FBN2: variants seen among roughly 807,000 people sequenced by gnomAD.
FBN2 encodes fibrillin-2.
A neutral mutation model predicts 355.6 loss-of-function variants in FBN2; 105 were observed. The ratio of observed to expected loss-of-function variants is 0.30; its 90% CI spans 0.25 to 0.35. FBN2 has a LOEUF of 0.35. Among genes scored for constraint, FBN2 ranks in the 10% least tolerant of loss-of-function variants. FBN2 has a pLI of 1.00. For missense variants in FBN2, 3,280 were observed against 3,758.7 expected, an observed-to-expected ratio of 0.87 and a Z score of 3.33; for synonymous variants, 1,350 against 1,301.2, an observed-to-expected ratio of 1.04 and a Z score of -0.81.
At chr5:128,287,179 A>T in intron 54 of FBN2, 129 bp downstream of exon 54, 1 of 1,143,346 alleles carries the variant, frequency 8.7e-7, no homozygotes, top group South Asian at 1.3e-5. Context: ...GAAATCTACT[A>T]GCAAAATGCT....
At chr5:128,485,560 T>A (rs1755316107) in intron 5 of FBN2, among the ~76,000 whole-genome samples, 1 of 152,102 alleles carries the variant, frequency 6.6e-6, no homozygotes, top group African/African-American at 2.4e-5. Context: ...GCAAGTTGCA[T>A]AATACATGGA....
intron 7 of FBN2, among the ~76,000 whole-genome samples, chr5:128,421,357 T>G (rs1296490373): frequency 6.6e-6 from 1 of 152,010 alleles, no homozygotes; most frequent in African/African-American, 2.4e-5. Flanking sequence ...TTCCAGCTAA[T>G]GAAGGTGGGA....
At chr5:128,456,777 C>T (rs934517598) in intron 6 of FBN2, among the ~76,000 whole-genome samples, 24 of 151,904 alleles carry the variant, frequency 1.6e-4, no homozygotes, top group African/African-American at 5.3e-4. Flanking sequence ...TAAAAAGGCC[C>T]CCATAAAAAC....
At position 128,537,508 on chromosome 5, in the gene FBN2, A is replaced by T; in HGVS notation, c.96T>A (p.Pro32=). The change falls in exon 1 of 65, where the codon CCT becomes CCA. Residue 32 remains proline, a synonymous_variant. Transcript: ENST00000262464. ...WAQGTAGQPQ[P]PPPKPPRPQP... ...GGGGCCGGGGCGGCTTGGGCGGAGG[A>T]GGCTGAGGCTGGCCGGCCGTGCCCT... The T allele has an allele frequency of 6.3e-7, 1 of 1,577,642 alleles. No homozygotes were observed. The highest frequency in any genetic ancestry group is 8.6e-7 in the Non-Finnish European group (1 of 1,164,752).
chr5:128,341,358 T>C (rs868689959), intron 25 of FBN2, among the ~76,000 whole-genome samples: 11 of 152,070 alleles, frequency 7.2e-5, no homozygotes, highest in Non-Finnish European at 1.5e-4. Flanking sequence ...GTTGTGGCAG[T>C]GAAGGATTTG....
At chr5:128,512,389 T>C (rs1252929268) in intron 5 of FBN2, among the ~76,000 whole-genome samples, 1 of 151,852 alleles carries the variant, frequency 6.6e-6, no homozygotes, top group East Asian at 1.9e-4. Flanking sequence ...GGCGCATGCC[T>C]GTAATCCCAG....
intron 5 of FBN2, among the ~76,000 whole-genome samples, chr5:128,514,029 T>G (rs1561493063): frequency 6.6e-6 from 1 of 151,932 alleles, no homozygotes; most frequent in Non-Finnish European, 1.5e-5. Context: ...CAGAAATGTG[T>G]GTGTGTGTGT....
Position 128,338,013 on chromosome 5 carries a change from G to A in FBN2, c.3582C>T (p.Ser1194=), listed in dbSNP as rs767169845. 2.5e-6 allele frequency: 4 copies of A among 1,614,110 alleles called. No homozygotes were observed. In the South Asian group the frequency reaches 4.4e-5, roughly 18 times the overall value. The change falls in exon 27 of 65, where the codon TCC becomes TCT. Residue 1194 remains serine, a synonymous_variant. Transcript: ENST00000262464. The part of the protein sequence containing the change: ...DCPLGHELSP[S]REDCVDINEC... ...TAAACTCACCCACACAGTCCTCACG[G>A]GATGGTGACAGCTCGTGTCCCAGTG...
At chr5:128,278,344 T>C (rs1765447965) in intron 57 of FBN2, among the ~76,000 whole-genome samples, 1 of 152,192 alleles carries the variant, frequency 6.6e-6, no homozygotes, top group African/African-American at 2.4e-5. Context: ...GAAAATTACT[T>C]ATTGTTACCT....
At chr5:128,296,405 AG>A (rs1195285985) in intron 48 of FBN2, among the ~76,000 whole-genome samples, 1 of 152,010 alleles carries the variant, frequency 6.6e-6, no homozygotes, top group African/African-American at 2.4e-5. Flanking sequence ...TAGTTTCAGA[AG>A]GAATGGTACC....
intron 32 of FBN2, 145 bp downstream of exon 32, chr5:128,332,767 C>A (rs1297521075): frequency 2.4e-6 from 2 of 832,028 alleles, no homozygotes; most frequent in Non-Finnish European, 4.1e-6. Context: ...GTAAAGGACA[C>A]CCTTAGGCAG....
In FBN2 at chr5:128,436,666, TA is replaced by T. The variant is rs954029413; in HGVS notation, c.952+9814del. ...GATTCTTAAACCCAGTGGCTCCACT[TA>T]AAAAAAAAAAAAAAGAAAAAAAAGT... On this transcript the variant is annotated intron_variant, in intron 7 of 64. Coordinates refer to ENST00000262464, the MANE Select transcript of FBN2 (RefSeq NM_001999.4). 8.7e-3 allele frequency among the ~76,000 whole-genome samples: 1,194 copies of T among 137,836 alleles called. 2 individuals carry two copies. Among genetic ancestry groups the T allele is most frequent in the Non-Finnish European group, 0.01 (637 of 63,210 alleles). The allele number at this position is 137,836 out of a possible 152,430, so 90.4% of individuals were successfully genotyped here. A position where few individuals can be genotyped will look rare whatever the true frequency, so the allele number is the denominator to read the frequency against.
At chr5:128,531,926 T>C (rs1756720908) in intron 2 of FBN2, among the ~76,000 whole-genome samples, 1 of 152,134 alleles carries the variant, frequency 6.6e-6, no homozygotes, top group African/African-American at 2.4e-5. Context: ...ATACAGGTTG[T>C]CTCTTTCATT....
chr5:128,530,594 C>G lies in FBN2; in HGVS notation c.436+1G>C. ...GAAAAGGCCACAAGTAAGAAACATACTTGATTTTGATCCACAGGTTGATGA... is the reference window on the plus strand; with the variant it reads ...GAAAAGGCCACAAGTAAGAAACATAGTTGATTTTGATCCACAGGTTGATGA... On this transcript the variant is annotated splice_donor_variant, in intron 3 of 64. Coordinates refer to ENST00000262464, the MANE Select transcript of FBN2 (RefSeq NM_001999.4). LOFTEE classifies it high-confidence loss of function. 2 of 1,604,210 alleles carry G rather than the reference C, an allele frequency of 1.2e-6. No individual in the cohort carries two copies. The highest frequency in any genetic ancestry group is 1.7e-6 in the Non-Finnish European group (2 of 1,171,150).
intron 5 of FBN2, among the ~76,000 whole-genome samples, chr5:128,482,550 T>A (rs1755221586): frequency 6.6e-6 from 1 of 152,204 alleles, no homozygotes; most frequent in Admixed American, 6.5e-5. Context: ...CGAATTTAAT[T>A]CTTTCAGTTT....
Position 128,330,702 on chromosome 5 carries a change from A to C in FBN2, c.4223-7T>G. ...TTAGAACATTCGTCCAGATCTGCAGAACACAGCAATAAAGTTCAGAAATGA... is the reference window on the plus strand; with the variant it reads ...TTAGAACATTCGTCCAGATCTGCAGCACACAGCAATAAAGTTCAGAAATGA... On this transcript the variant is annotated splice_region_variant and splice_polypyrimidine_tract_variant and intron_variant, in intron 32 of 64. Transcript: ENST00000262464. 1 of 1,613,980 alleles carries C rather than the reference A, an allele frequency of 6.2e-7. No individual in the cohort carries two copies. The highest frequency in any genetic ancestry group is 8.5e-7 in the Non-Finnish European group (1 of 1,179,850).
intron 11 of FBN2, among the ~76,000 whole-genome samples, chr5:128,386,250 C>T (rs1032448155): frequency 6.6e-6 from 1 of 151,986 alleles, no homozygotes; most frequent in African/African-American, 2.4e-5. Context: ...GACTAGCCAG[C>T]TATTGCAGCA....
At chr5:128,322,192 T>C (rs1007351942) in intron 34 of FBN2, among the ~76,000 whole-genome samples, 4 of 152,204 alleles carry the variant, frequency 2.6e-5, no homozygotes, top group African/African-American at 9.6e-5. Flanking sequence ...TAGCCCTTTG[T>C]CCGATAGATA....
rs747671973 is a variant in FBN2, at chr5:128,464,949, A to ATAT, written c.629-29_629-28insATA. The ATAT allele has an allele frequency of 1.9e-6, 3 of 1,604,696 alleles. No homozygotes were observed. In the Admixed American group the frequency reaches 5.0e-5, roughly 27 times the overall value. ...GGAATGTGGGAGAAGAAAGAAAGAC[A>ATAT]GGTTTTATGATCATATACTAATCTT... On this transcript the variant is annotated intron_variant, in intron 5 of 64. Coordinates refer to ENST00000262464, the MANE Select transcript of FBN2 (RefSeq NM_001999.4).
Sources: gnomAD v4.1 joint callset for allele counts (sites outside exome capture counted in the v4.1 genomes callset) on GRCh38, gnomAD v4.1.1 for gene constraint, MANE v1.5 for transcripts, NCBI Gene and HGNC (gene_info 2026-07-23, HGNC 2026-07-21) for gene names.